Variants in DNAAF11 observed in about 807,000 individuals in gnomAD.
DNAAF11 encodes leucine rich repeat containing 6.
A neutral mutation model predicts 60.8 loss-of-function variants in DNAAF11; 45 were observed. The ratio of observed to expected loss-of-function variants is 0.74; its 90% confidence interval spans 0.58 to 0.95. The LOEUF (loss-of-function observed/expected upper bound fraction) is 0.95. Ranked by LOEUF, DNAAF11 falls within the 40% of genes least tolerant of loss-of-function variation. DNAAF11 has a pLI of 0.00. For missense variants in DNAAF11, 546 were observed against 546.2 expected, an observed-to-expected ratio of 1.00 and a Z score of 0.00; for synonymous variants, 191 against 183.5, an observed-to-expected ratio of 1.04 and a Z score of -0.33.
intron 7 of DNAAF11, among the ~76,000 whole-genome samples, chr8:132,615,750 A>G (rs908319340): frequency 3.3e-5 from 5 of 152,316 alleles, no homozygotes; most frequent in African/African-American, 9.6e-5. Context: ...CTGTACCCCG[A>G]GGTTGAGTCC....
chr8:132,603,863 G>A (rs191954251), intron 10 of DNAAF11, among the ~76,000 whole-genome samples: 4 of 152,224 alleles, frequency 2.6e-5, no homozygotes. Flanking sequence ...AAAGGCGGGG[G>A]CGGAGTGGGA....
At chr8:132,661,704 G>A (rs751733856) in intron 1 of DNAAF11, 77 bp from the exon 2 acceptor site, 4 of 1,488,006 alleles carry the variant, frequency 2.7e-6, no homozygotes, top group Non-Finnish European at 3.7e-6. Flanking sequence ...TAACGCATTT[G>A]TGTTTTTTTT....
At chr8:132,672,382 G>C (rs1475538909) in intron 1 of DNAAF11, among the ~76,000 whole-genome samples, 2 of 152,150 alleles carry the variant, frequency 1.3e-5, no homozygotes, top group Non-Finnish European at 2.9e-5. Flanking sequence ...GTCCTCCTGA[G>C]CAGACACAAA....
rs116964343 is a variant in DNAAF11, at chr8:132,631,039, T to C, written c.653+1701A>G. Among the ~76,000 whole-genome samples the C allele has an allele frequency of 3.0e-3, 460 of 152,322 alleles. 1 individual carries two copies. The highest frequency in any genetic ancestry group is 3.5e-3 in the Non-Finnish European group (240 of 68,022). ...ATTGCTAAATACCCTGGAGAAACTT[T>C]CATACCTGAACAAGGAGACAAGGGC... is the stretch of plus-strand genomic sequence containing the variant. On this transcript the variant is annotated intron_variant, in intron 5 of 11. Coordinates refer to ENST00000620350, the MANE Select transcript of DNAAF11 (RefSeq NM_012472.6).
At position 132,632,720 on chromosome 8, in the gene DNAAF11, T is replaced by C. The variant is rs1158482315; in HGVS notation, c.653+20A>G. 3 of 1,560,784 alleles carry C rather than the reference T, an allele frequency of 1.9e-6. No homozygotes were observed. The highest frequency in any genetic ancestry group is 2.6e-6 in the Non-Finnish European group (3 of 1,132,726). ...CTTTTAACAAAAGTTAACTAGAAAG[T>C]AAACTAATAATTTACATACAGAGTA... On this transcript the variant is annotated intron_variant, in intron 5 of 11. Transcript: ENST00000620350.
chr8:132,691,914 C>G, the DNAAF11 span, among the ~76,000 whole-genome samples: 2 of 152,112 alleles, frequency 1.3e-5, no homozygotes, highest in African/African-American at 4.8e-5. Flanking sequence ...ACAGAGCAGA[C>G]CACGTGGGAG....
intron 10 of DNAAF11, among the ~76,000 whole-genome samples, chr8:132,604,442 C>A (rs899945888): frequency 2.0e-5 from 3 of 152,146 alleles, no homozygotes; most frequent in African/African-American, 7.2e-5. Context: ...CACATGGCAA[C>A]TTCCTTAATC....
the DNAAF11 span, among the ~76,000 whole-genome samples, chr8:132,683,229 A>G: frequency 6.6e-6 from 1 of 152,222 alleles, no homozygotes; most frequent in Non-Finnish European, 1.5e-5. Context: ...CCTGAGGAGA[A>G]CTGAGACAAT....
At chr8:132,606,096 T>TGTAA (rs71574307) in intron 10 of DNAAF11, among the ~76,000 whole-genome samples, 23,990 of 152,062 alleles carry the variant, frequency 0.16, 2,920 homozygotes, top group African/African-American at 0.34. Context: ...CTACTGACAC[T>TGTAA]GTATCTTAAT....
At chr8:132,659,967 C>T (rs879379150) in intron 2 of DNAAF11, among the ~76,000 whole-genome samples, 5 of 152,190 alleles carry the variant, frequency 3.3e-5, no homozygotes, top group Non-Finnish European at 5.9e-5. Context: ...TTGCCAAATG[C>T]CCCTGTTGTG....
At chr8:132,614,320 G>A (rs1166549528) in intron 8 of DNAAF11, among the ~76,000 whole-genome samples, 1 of 152,200 alleles carries the variant, frequency 6.6e-6, no homozygotes, top group African/African-American at 2.4e-5. Context: ...AGCAGCCTCT[G>A]AGATGGTGCC....
chr8:132,597,886 C>A (rs775827493), intron 10 of DNAAF11, among the ~76,000 whole-genome samples: 13 of 152,082 alleles, frequency 8.5e-5, no homozygotes, highest in Non-Finnish European at 1.0e-4. Context: ...ATAAAGACTG[C>A]TAAGATACTG....
intron 3 of DNAAF11, among the ~76,000 whole-genome samples, chr8:132,647,925 G>C (rs1822570807): frequency 6.6e-6 from 1 of 152,164 alleles, no homozygotes; most frequent in Non-Finnish European, 1.5e-5. Context: ...AATTCTATCA[G>C]AGGTACAAAG....
At chr8:132,605,736 A>G (rs185825930) in intron 10 of DNAAF11, among the ~76,000 whole-genome samples, 6 of 152,332 alleles carry the variant, frequency 3.9e-5, no homozygotes, top group Non-Finnish European at 7.3e-5. Context: ...AAATATGGGT[A>G]TCAGGAAGGG....
chr8:132,586,644 T>C (rs1247110651), intron 10 of DNAAF11, among the ~76,000 whole-genome samples: 1 of 152,152 alleles, frequency 6.6e-6, no homozygotes, highest in East Asian at 1.9e-4. Context: ...CATGTAAGTG[T>C]GAGAACTTGG....
chr8:132,619,364 G>A (rs1157286462), intron 7 of DNAAF11, among the ~76,000 whole-genome samples: 3 of 152,002 alleles, frequency 2.0e-5, no homozygotes, highest in Non-Finnish European at 2.9e-5. Context: ...CGAGTTAGTG[G>A]GTGCAGCGCA....
At chr8:132,584,677 T>C (rs1475599896) in intron 10 of DNAAF11, among the ~76,000 whole-genome samples, 1 of 152,082 alleles carries the variant, frequency 6.6e-6, no homozygotes, top group Non-Finnish European at 1.5e-5. Flanking sequence ...ACCAGGTCCT[T>C]CTCTATGGCA....
chr8:132,631,434 C>T (rs904632246), intron 5 of DNAAF11, among the ~76,000 whole-genome samples: 1 of 152,174 alleles, frequency 6.6e-6, no homozygotes, highest in Non-Finnish European at 1.5e-5. Context: ...TCTATACTTA[C>T]AATGAATTAG....
intron 10 of DNAAF11, among the ~76,000 whole-genome samples, chr8:132,592,190 T>C (rs1224748398): frequency 6.6e-6 from 1 of 152,226 alleles, no homozygotes; most frequent in Non-Finnish European, 1.5e-5. Context: ...AGGGAGCTTA[T>C]GGTTTAGTAG....
Sources: gnomAD v4.1 joint callset for allele counts (sites outside exome capture counted in the v4.1 genomes callset) on GRCh38, gnomAD v4.1.1 for gene constraint, MANE v1.5 for transcripts, NCBI Gene and HGNC (gene_info 2026-07-23, HGNC 2026-07-21) for gene names.